The following DCC variants were observed in gnomAD, a reference collection of about 807,000 sequenced individuals.
The protein encoded by DCC is netrin receptor DCC.
A neutral mutation model predicts 172.5 loss-of-function variants in DCC; 58 were observed. The observed-to-expected ratio is 0.34, with a 90% confidence interval of 0.27 to 0.42. DCC has a LOEUF of 0.42. Ranked by LOEUF, DCC falls within the 10% of genes least tolerant of loss-of-function variation. The pLI, the probability that DCC is intolerant of heterozygous loss-of-function variation, is 1.00. For missense variants in DCC, 1,740 were observed against 1,791.0 expected (o/e 0.97, Z 0.51); for synonymous variants, 709 against 644.5 (o/e 1.10, Z -1.52).
chr18:53,015,338 A>C (rs1427670838), intron 5 of DCC, among the ~76,000 whole-genome samples: 1 of 152,210 alleles, frequency 6.6e-6, no homozygotes, highest in African/African-American at 2.4e-5. Flanking sequence ...ATTTAGCCGA[A>C]TTAAACATCA....
intron 12 of DCC, among the ~76,000 whole-genome samples, chr18:53,217,088 T>A (rs954815724): frequency 6.6e-6 from 1 of 152,096 alleles, no homozygotes; most frequent in East Asian, 1.9e-4. Context: ...TACAAGCTAT[T>A]TTGTGTTTGT....
chr18:52,987,101 C>T (rs746559396), intron 5 of DCC, among the ~76,000 whole-genome samples: 5 of 152,068 alleles, frequency 3.3e-5, no homozygotes, highest in Non-Finnish European at 7.4e-5. Context: ...GGATTACAGG[C>T]GTGAGACTCC....
rs1215337431 is a variant in DCC, at chr18:53,356,208, T to G, written c.2359+16301T>G. Among the ~76,000 whole-genome samples, 3 of 152,072 alleles carry G rather than the reference T, an allele frequency of 2.0e-5. No homozygotes were observed. In the East Asian group the frequency reaches 5.8e-4, roughly 29 times the overall value. ...GTGCTAGGATTTCCAGTGTGAGCTA[T>G]GCACATGCTGTACCACTCAGTCTCT... On this transcript the variant is annotated intron_variant, in intron 15 of 28. Coordinates refer to ENST00000442544, the MANE Select transcript of DCC (RefSeq NM_005215.4).
intron 11 of DCC, among the ~76,000 whole-genome samples, chr18:53,211,593 G>A (rs1428106137): frequency 1.3e-5 from 2 of 152,020 alleles, no homozygotes; most frequent in Admixed American, 6.6e-5. Context: ...GCGTGGTGGC[G>A]GGCGCCTGTA....
intron 2 of DCC, among the ~76,000 whole-genome samples, chr18:52,761,205 C>A (rs1262222747): frequency 6.6e-6 from 1 of 152,152 alleles, no homozygotes; most frequent in African/African-American, 2.4e-5. Flanking sequence ...AGAGCTTGTG[C>A]AAGGTAACTC....
chr18:53,344,729 A>G (rs1172456963), intron 15 of DCC, among the ~76,000 whole-genome samples: 1 of 150,716 alleles, frequency 6.6e-6, no homozygotes, highest in Non-Finnish European at 1.5e-5. Context: ...ATGAACCACC[A>G]CACCCAGCCT....
chr18:53,303,924 C>T (rs1412180143), intron 12 of DCC, among the ~76,000 whole-genome samples: 1 of 152,102 alleles, frequency 6.6e-6, no homozygotes. Context: ...GGAGGTGGCT[C>T]TCAGCAGGAT....
At chr18:52,497,329 A>ATATATG (rs60025627) in intron 1 of DCC, among the ~76,000 whole-genome samples, 3 of 114,864 alleles carry the variant, frequency 2.6e-5, no homozygotes, top group African/African-American at 6.6e-5. Flanking sequence ...ACACACATAT[A>ATATATG]TATACACACG....
intron 7 of DCC, among the ~76,000 whole-genome samples, chr18:53,074,460 A>T (rs985009088): frequency 6.6e-6 from 1 of 152,204 alleles, no homozygotes; most frequent in Admixed American, 6.5e-5. Flanking sequence ...GTTTTCCTTT[A>T]TAAGCCTTGG....
chr18:52,784,932 G>C (rs982096007), intron 2 of DCC, among the ~76,000 whole-genome samples: 3 of 136,846 alleles, frequency 2.2e-5, no homozygotes, highest in African/African-American at 6.1e-5. Context: ...GAAGAGAAGG[G>C]GGGAGAGAGA....
In DCC at chr18:52,765,199, A is replaced by ATTTTTTTT. The variant is rs369735420; in HGVS notation, c.412+12825_412+12826insTTTTTTTT. Among the ~76,000 whole-genome samples the ATTTTTTTT allele has an allele frequency of 1.0e-4, 12 of 120,104 alleles. 1 individual carries two copies. The highest frequency in any genetic ancestry group is 6.8e-5 in the African/African-American group (2 of 29,216). The allele number at this position is 120,104 out of a possible 152,430, so 78.8% of individuals were successfully genotyped here. The stretch of plus-strand genomic sequence containing the variant: ...CAGGCATGTGCTAGCACTCCTGGCT[A>ATTTTTTTT]ATTTTTTTTTTTTTTTTTTGTATTT... On this transcript the variant is annotated intron_variant, in intron 2 of 28. Coordinates refer to ENST00000442544, the MANE Select transcript of DCC (RefSeq NM_005215.4).
chr18:53,157,351 C>G lies in DCC; in HGVS notation c.1262-5C>G. On this transcript the variant is annotated splice_polypyrimidine_tract_variant and splice_region_variant and intron_variant, in intron 7 of 28. Coordinates refer to ENST00000442544, the MANE Select transcript of DCC (RefSeq NM_005215.4). ...CTCTGATAGCCTCCTCTTCTTTCTC[C>G]TTAGCTATCCCAAGCTCCAGTGTCC... The G allele has an allele frequency of 6.2e-7, 1 of 1,614,056 alleles. No homozygotes were observed. The highest frequency in any genetic ancestry group is 8.5e-7 in the Non-Finnish European group (1 of 1,179,964).
intron 15 of DCC, among the ~76,000 whole-genome samples, chr18:53,372,726 T>C (rs2058071833): frequency 6.6e-6 from 1 of 152,036 alleles, no homozygotes; most frequent in Non-Finnish European, 1.5e-5. Flanking sequence ...AGAATAGTAG[T>C]TGAAAATTCA....
chr18:53,377,099 A>G (rs750856172), intron 15 of DCC, among the ~76,000 whole-genome samples: 2 of 151,782 alleles, frequency 1.3e-5, no homozygotes, highest in Non-Finnish European at 2.9e-5. Context: ...CACATCTCTT[A>G]TTCTATAAAA....
At chr18:52,467,469 C>T (rs533942556) in intron 1 of DCC, among the ~76,000 whole-genome samples, 98 of 152,190 alleles carry the variant, frequency 6.4e-4, no homozygotes, top group South Asian at 2.3e-3. Context: ...TGGGTTGATT[C>T]GAAGTCTTTG....
rs1324061094 is a variant in DCC, at chr18:53,334,177, T to A, written c.2165-5536T>A. Among the ~76,000 whole-genome samples, 18 of 152,338 alleles carry A rather than the reference T, an allele frequency of 1.2e-4. No homozygotes were observed. In the East Asian group the frequency reaches 3.5e-3, roughly 29 times the overall value. ...GCAATTTTATGGTCTCCATGTTTCA[T>A]TCTATGCTTCCTCTCCAAACTTCTT... On this transcript the variant is annotated intron_variant, in intron 14 of 28. Transcript: ENST00000442544.
chr18:53,099,785 A>G (rs2043137214), intron 7 of DCC, among the ~76,000 whole-genome samples: 3 of 152,024 alleles, frequency 2.0e-5, no homozygotes, highest in Admixed American at 6.6e-5. Context: ...TTACTATTAC[A>G]TGTTATTTAT....
At chr18:53,064,130 A>G (rs1391491110) in intron 6 of DCC, among the ~76,000 whole-genome samples, 1 of 152,174 alleles carries the variant, frequency 6.6e-6, no homozygotes, top group Non-Finnish European at 1.5e-5. Flanking sequence ...TTCATTTTCT[A>G]TCCCTATTGT....
intron 21 of DCC, among the ~76,000 whole-genome samples, chr18:53,419,337 T>C (rs1411346047): frequency 2.0e-5 from 3 of 152,140 alleles, no homozygotes; most frequent in African/African-American, 7.2e-5. Context: ...AATTATATTA[T>C]TGACTATAGT....
Sources: gnomAD v4.1 joint callset for allele counts (sites outside exome capture counted in the v4.1 genomes callset) on GRCh38, gnomAD v4.1.1 for gene constraint, MANE v1.5 for transcripts, NCBI Gene and HGNC (gene_info 2026-07-23, HGNC 2026-07-21) for gene names.